ZNF44: variants seen among roughly 807,000 people sequenced by gnomAD.
The protein encoded by ZNF44 is gonadotropin inducible transcription repressor-2.
ZNF44 carries 9 observed loss-of-function variants against 11.7 expected under a neutral mutation model. The observed-to-expected ratio is 0.77, with a 90% CI of 0.46 to 1.35. The LOEUF is 1.35. ZNF44 is among the 40% of genes most tolerant of loss of function. The probability of loss-of-function intolerance (pLI) is 0.00; values close to 1 mark genes in which losing one functional copy is unlikely to be tolerated. For synonymous variants in ZNF44, 224 were observed against 242.7 expected (o/e 0.92, Z 0.72); for missense variants, 696 against 743.1 (o/e 0.94, Z 0.74).
chr19:12,257,523 C>G (rs1917308719), intron 5 of ZNF44, among the ~76,000 whole-genome samples: 2 of 151,610 alleles, frequency 1.3e-5, no homozygotes, highest in Non-Finnish European at 2.9e-5. Context: ...CGTGGTGGCT[C>G]GTGCCTGTAA....
exon 6 of ZNF44, chr19:12,250,357 G>A: frequency 7.3e-7 from 1 of 1,362,648 alleles, no homozygotes; most frequent in Non-Finnish European, 9.8e-7. Context: ...CATCTTCAAA[G>A]GTCACTGAGT....
At chr19:12,228,589 C>G (rs1230580822) in intron 3 of ZNF44, among the ~76,000 whole-genome samples, 3 of 152,160 alleles carry the variant, frequency 2.0e-5, no homozygotes, top group Non-Finnish European at 4.4e-5. Flanking sequence ...CTTTCACAGT[C>G]TGACATGCCT....
At chr19:12,254,063 C>T (rs548535113) in intron 5 of ZNF44, among the ~76,000 whole-genome samples, 1 of 147,704 alleles carries the variant, frequency 6.8e-6, no homozygotes, top group Non-Finnish European at 1.5e-5. Context: ...ATCCTTCATC[C>T]AACTACAGCA....
chr19:12,275,811 C>G, intron 2 of ZNF44, 145 bp downstream of exon 2: 2 of 1,036,464 alleles, frequency 1.9e-6, no homozygotes, highest in Non-Finnish European at 2.7e-6. Context: ...TGAGGACATA[C>G]AACAGGTTGG....
At chr19:12,250,021 AT>A (rs1045845416) in exon 7 of ZNF44, 3 of 1,284,508 alleles carry the variant, frequency 2.3e-6, no homozygotes, top group Non-Finnish European at 3.0e-6. Flanking sequence ...TCAATGTTCC[AT>A]TCTTTTTGTT....
intron 1 of ZNF44, among the ~76,000 whole-genome samples, chr19:12,235,812 T>C (rs1310841672): frequency 6.6e-6 from 1 of 152,078 alleles, no homozygotes; most frequent in Non-Finnish European, 1.5e-5. Flanking sequence ...CTGGCAACTG[T>C]GAGTATCCTG....
Position 12,272,881 on chromosome 19 carries a change from A to C in ZNF44, c.1374T>G (p.Ser458Arg). The C allele has an allele frequency of 1.9e-6, 3 of 1,614,064 alleles. No individual in the cohort carries two copies. The highest frequency in any genetic ancestry group is 2.5e-6 in the Non-Finnish European group (3 of 1,180,014). Residue 458 changes from serine (S) to arginine (R), a missense_variant, in exon 4 of 4, where the codon AGT (serine) becomes AGG (arginine). Ser to Arg is a moderately radical substitution (Grantham distance 110). Coordinates refer to ENST00000355684, the MANE Select transcript of ZNF44 (RefSeq NM_016264.4). ...PYKCKCGKAFSDLFSFQSHET... is the reference protein window; with the variant it reads ...PYKCKCGKAFRDLFSFQSHET... ...CATGACTTTGAAAGGAAAATAAATC[A>C]CTAAAAGCTTTTCCACATTTACATT... is the stretch of plus-strand genomic sequence containing the variant.
At chr19:12,281,505 C>A (rs1346638451) in intron 1 of ZNF44, among the ~76,000 whole-genome samples, 1 of 152,064 alleles carries the variant, frequency 6.6e-6, no homozygotes, top group Non-Finnish European at 1.5e-5. Context: ...CCCTAACCTT[C>A]CATTTTAGGA....
intron 5 of ZNF44, among the ~76,000 whole-genome samples, chr19:12,255,195 A>C (rs2438570): frequency 0.063 from 9,581 of 152,176 alleles, 1,028 homozygotes; most frequent in African/African-American, 0.22. Flanking sequence ...GAACATATAC[A>C]CTAGAAAGGA....
intron 2 of ZNF44, among the ~76,000 whole-genome samples, chr19:12,230,753 G>T (rs577469070): frequency 1.3e-5 from 2 of 152,192 alleles, no homozygotes; most frequent in Non-Finnish European, 2.9e-5. Context: ...TCAAAGACAG[G>T]TTTATTTTAG....
chr19:12,267,483 G>A (rs1917778429), downstream of ZNF44, among the ~76,000 whole-genome samples: 1 of 152,128 alleles, frequency 6.6e-6, no homozygotes, highest in South Asian at 2.1e-4. Flanking sequence ...CATCTGAATT[G>A]GTTCATTTAA....
downstream of ZNF44, among the ~76,000 whole-genome samples, chr19:12,268,131 T>TAC (rs1230538619): frequency 1.3e-4 from 14 of 106,766 alleles, no homozygotes; most frequent in East Asian, 4.4e-4. Context: ...TTGGTGTTCT[T>TAC]ACACACACAC....
downstream of ZNF44, among the ~76,000 whole-genome samples, chr19:12,268,182 A>ACACACACACAC (rs1555739617): frequency 6.2e-4 from 62 of 99,562 alleles, no homozygotes; most frequent in African/African-American, 1.8e-3. Context: ...ACACACACAC[A>ACACACACACAC]AGCTCCTTCC....
At chr19:12,289,527 A>C (rs1967912073) in intron 1 of ZNF44, among the ~76,000 whole-genome samples, 1 of 151,818 alleles carries the variant, frequency 6.6e-6, no homozygotes. Flanking sequence ...TTTCCTTTGT[A>C]ATGTTGGTTG....
At chr19:12,267,833 CTT>C (rs763187011), downstream of ZNF44, among the ~76,000 whole-genome samples, 2 of 143,500 alleles carry the variant, frequency 1.4e-5, no homozygotes, top group Non-Finnish European at 1.5e-5. Flanking sequence ...GACAGATTGT[CTT>C]TTTTTTTTTT....
At chr19:12,237,926 A>G (rs1411142818), upstream of ZNF44, 1 of 152,216 alleles carries the variant, frequency 6.6e-6, no homozygotes, top group Non-Finnish European at 1.5e-5. Flanking sequence ...TTCCTTCTGG[A>G]CGGGGGTTCA....
intron 5 of ZNF44, among the ~76,000 whole-genome samples, chr19:12,266,783 A>G (rs183551827): frequency 1.7e-3 from 258 of 152,328 alleles, no homozygotes; most frequent in African/African-American, 5.5e-3. Flanking sequence ...CTGGCTTTCC[A>G]GAGCTGGCAC....
At chr19:12,245,388 T>C (rs781293743), downstream of ZNF44, among the ~76,000 whole-genome samples, 18 of 152,230 alleles carry the variant, frequency 1.2e-4, no homozygotes, top group Admixed American at 2.0e-4. Flanking sequence ...AGTTGTTTGA[T>C]AAAAATGCAT....
At chr19:12,294,303 G>A (rs1422381830) in intron 1 of ZNF44, among the ~76,000 whole-genome samples, 3 of 152,078 alleles carry the variant, frequency 2.0e-5, no homozygotes, top group Admixed American at 1.3e-4. Flanking sequence ...AACCTCTCAC[G>A]GAGGCGGATC....
Sources: gnomAD v4.1 joint callset for allele counts (sites outside exome capture counted in the v4.1 genomes callset) on GRCh38, gnomAD v4.1.1 for gene constraint, MANE v1.5 for transcripts, NCBI Gene and HGNC (gene_info 2026-07-23, HGNC 2026-07-21) for gene names.